Variants in NDUFS4 observed in about 807,000 individuals in gnomAD.
The protein encoded by NDUFS4 is NADH dehydrogenase [ubiquinone] iron-sulfur protein 4, mitochondrial.
Under a neutral mutation model 24.3 loss-of-function variants are expected in NDUFS4, and 28 were observed. That is an observed-to-expected ratio of 1.15 (90% CI 0.85 to 1.58). NDUFS4 has a LOEUF of 1.58. Among genes scored for constraint, NDUFS4 ranks in the 40% most tolerant of loss-of-function variants. The pLI is 0.00. For synonymous variants in NDUFS4, 93 were observed against 69.7 expected, an observed-to-expected ratio of 1.34 and a Z score of -1.67; for missense variants, 223 against 207.9, an observed-to-expected ratio of 1.07 and a Z score of -0.45.
At chr5:53,643,052 A>G (rs1373114362) in intron 2 of NDUFS4, among the ~76,000 whole-genome samples, 1 of 152,174 alleles carries the variant, frequency 6.6e-6, no homozygotes, top group African/African-American at 2.4e-5. Context: ...TGACCCAACT[A>G]TTCAACAATT....
chr5:53,588,504 T>G (rs1484220971), intron 1 of NDUFS4, among the ~76,000 whole-genome samples: 2 of 152,226 alleles, frequency 1.3e-5, no homozygotes, highest in African/African-American at 4.8e-5. Context: ...ATATTGCTCT[T>G]AAGTGGCAGA....
chr5:53,670,936 GTATCTC>G (rs1752651330), intron 4 of NDUFS4, among the ~76,000 whole-genome samples: 1 of 151,116 alleles, frequency 6.6e-6, no homozygotes, highest in Non-Finnish European at 1.5e-5. Context: ...AGACTATAGA[GTATCTC>G]TAGACTATAT....
chr5:53,636,509 A>T (rs1751555817), intron 2 of NDUFS4, among the ~76,000 whole-genome samples: 1 of 152,232 alleles, frequency 6.6e-6, no homozygotes, highest in Non-Finnish European at 1.5e-5. Flanking sequence ...CTGGGATCTA[A>T]TAATAGGTGC....
At position 53,625,516 on chromosome 5, in the gene NDUFS4, A is replaced by G. The variant is rs1294350358; in HGVS notation, c.178-20717A>G. On this transcript the variant is annotated intron_variant, in intron 2 of 4. Transcript: ENST00000296684. ...TTGTACTGCTTAATATTTTCCAGCC[A>G]GTCACTGAGGCCCAGTTTGACTTCC... Among the ~76,000 whole-genome samples, 4 of 152,204 alleles carry G rather than the reference A, an allele frequency of 2.6e-5. No individual in the cohort carries two copies. In the East Asian group the frequency reaches 7.7e-4, roughly 29 times the overall value.
chr5:53,609,126 A>T (rs1343480963), intron 2 of NDUFS4, among the ~76,000 whole-genome samples: 1 of 152,218 alleles, frequency 6.6e-6, no homozygotes, highest in East Asian at 1.9e-4. Context: ...TATGAGTCAC[A>T]AATGTTCTTA....
chr5:53,594,588 C>T (rs1750074513), intron 1 of NDUFS4, among the ~76,000 whole-genome samples: 1 of 152,026 alleles, frequency 6.6e-6, no homozygotes, highest in Admixed American at 6.5e-5. Context: ...ATTCCCTCTC[C>T]CTTTTTGGAA....
chr5:53,631,148 C>T (rs1344741784), intron 2 of NDUFS4, among the ~76,000 whole-genome samples: 4 of 152,188 alleles, frequency 2.6e-5, no homozygotes, highest in African/African-American at 7.2e-5. Context: ...CTCTCAGCTG[C>T]AGGTCAGTTG....
At chr5:53,623,291 T>G (rs553429537) in intron 2 of NDUFS4, among the ~76,000 whole-genome samples, 243 of 152,338 alleles carry the variant, frequency 1.6e-3, no homozygotes, top group African/African-American at 5.3e-3. Context: ...TATTTTCCAT[T>G]TTCATTATAA....
At chr5:53,586,273 G>C (rs1318747596) in intron 1 of NDUFS4, among the ~76,000 whole-genome samples, 2 of 148,268 alleles carry the variant, frequency 1.3e-5, no homozygotes, top group African/African-American at 5.0e-5. Context: ...AAGTTGCAGT[G>C]AGCCGAGATC....
chr5:53,613,428 G>T (rs376686841), intron 2 of NDUFS4, among the ~76,000 whole-genome samples: 7 of 151,860 alleles, frequency 4.6e-5, no homozygotes, highest in African/African-American at 1.7e-4. Context: ...GCAGTTTAGC[G>T]TGTGGGTTTT....
chr5:53,653,663 G>A (rs979177038), intron 3 of NDUFS4, among the ~76,000 whole-genome samples: 2 of 151,384 alleles, frequency 1.3e-5, no homozygotes, highest in South Asian at 2.1e-4. Flanking sequence ...CAGTATACCC[G>A]CCCTCCCTCC....
intron 2 of NDUFS4, among the ~76,000 whole-genome samples, chr5:53,621,917 G>T (rs1393865103): frequency 2.6e-5 from 4 of 151,742 alleles, no homozygotes; most frequent in Middle Eastern, 3.2e-3. Context: ...AGCCAGGATG[G>T]TCTCGATCTC....
At chr5:53,581,307 C>A (rs1749561321) in intron 1 of NDUFS4, among the ~76,000 whole-genome samples, 1 of 152,176 alleles carries the variant, frequency 6.6e-6, no homozygotes, top group African/African-American at 2.4e-5. Flanking sequence ...ACAGCTATTG[C>A]TATCATCCTG....
intron 4 of NDUFS4, among the ~76,000 whole-genome samples, chr5:53,662,806 T>C (rs1752386442): frequency 6.6e-6 from 1 of 151,638 alleles, no homozygotes; most frequent in Admixed American, 6.6e-5. Flanking sequence ...GTATATTCTC[T>C]GGTGGTAACT....
At chr5:53,584,103 C>G (rs1300691501) in intron 1 of NDUFS4, among the ~76,000 whole-genome samples, 2 of 152,200 alleles carry the variant, frequency 1.3e-5, no homozygotes, top group Admixed American at 6.5e-5. Flanking sequence ...TTTCTCCATG[C>G]ATAGAAAAGT....
chr5:53,659,860 T>A (rs1400032499), intron 4 of NDUFS4, among the ~76,000 whole-genome samples: 4 of 152,192 alleles, frequency 2.6e-5, no homozygotes, highest in South Asian at 2.1e-4. Context: ...TGTCACTACC[T>A]GTATGACTTT....
At chr5:53,620,417 T>A (rs1041575992) in intron 2 of NDUFS4, among the ~76,000 whole-genome samples, 1 of 152,154 alleles carries the variant, frequency 6.6e-6, no homozygotes, top group African/African-American at 2.4e-5. Context: ...ATATATATCC[T>A]AAGGATCAAC....
chr5:53,641,515 C>T (rs1751705314), intron 2 of NDUFS4, among the ~76,000 whole-genome samples: 1 of 152,126 alleles, frequency 6.6e-6, no homozygotes, highest in South Asian at 2.1e-4. Flanking sequence ...GATTCATTGC[C>T]TGGTTGGACT....
At chr5:53,661,060 C>T (rs1480714441) in intron 4 of NDUFS4, among the ~76,000 whole-genome samples, 1 of 152,188 alleles carries the variant, frequency 6.6e-6, no homozygotes, top group Non-Finnish European at 1.5e-5. Context: ...GTGTTTTAGA[C>T]ATGAAGTCCT....
Sources: allele counts gnomAD v4.1 joint callset (sites outside exome capture counted in the v4.1 genomes callset), GRCh38; gene constraint gnomAD v4.1.1; transcripts MANE v1.5; gene names NCBI Gene and HGNC (gene_info 2026-07-23, HGNC 2026-07-21).